The following ACOX3 variants were observed in gnomAD, a reference collection of about 807,000 sequenced individuals.
The protein encoded by ACOX3 is peroxisomal acyl-coenzyme A oxidase 3.
In ACOX3, 73 loss-of-function variants were observed where a neutral mutation model predicts 81.5. The observed-to-expected ratio is 0.90, with a 90% CI of 0.74 to 1.09. The LOEUF (loss-of-function observed/expected upper bound fraction) is 1.09. Among genes scored for constraint, ACOX3 ranks in the 50% least tolerant of loss-of-function variants. ACOX3 has a pLI of 0.00. For synonymous variants in ACOX3, 387 were observed against 375.1 expected, an observed-to-expected ratio of 1.03 and a Z score of -0.37; for missense variants, 947 against 928.0, an observed-to-expected ratio of 1.02 and a Z score of -0.27.
At chr4:8,398,915 CCGTT>C (rs1169993119) in intron 8 of ACOX3, among the ~76,000 whole-genome samples, 1 of 152,204 alleles carries the variant, frequency 6.6e-6, no homozygotes, top group African/African-American at 2.4e-5. Context: ...ATTAACATCT[CCGTT>C]TGTGAGCAGC....
At chr4:8,356,545 C>A in the ACOX3 span, 1 of 456,086 alleles carries the variant, frequency 2.2e-6, no homozygotes, top group Non-Finnish European at 4.4e-6. Flanking sequence ...AGAGTATGAC[C>A]CATTTCTGAA....
intron 1 of ACOX3, among the ~76,000 whole-genome samples, chr4:8,433,046 T>C (rs1419584841): frequency 6.6e-6 from 1 of 152,248 alleles, no homozygotes; most frequent in Non-Finnish European, 1.5e-5. Context: ...TACAGGACAG[T>C]GCTATGTAGA....
In ACOX3 at chr4:8,386,349, G is replaced by A. The variant is rs1367600279; in HGVS notation, c.1537+2824C>T. ...CGGGAGGCCAAGGTGGGCGGATCAC[G>A]AGGTCAGGATATCGAGACCATCCTG... On this transcript the variant is annotated intron_variant, in intron 13 of 17. Coordinates refer to ENST00000356406, the MANE Select transcript of ACOX3 (RefSeq NM_003501.3). This position sits in a 1 kb window ranked among gnomAD's most constrained non-coding sequence, Gnocchi z 5.2. Among the ~76,000 whole-genome samples, 2 of 152,044 alleles carry A rather than the reference G, an allele frequency of 1.3e-5. No homozygotes were observed. Among genetic ancestry groups the A allele is most frequent in the Non-Finnish European group, 1.5e-5 (1 of 68,018 alleles).
intron 16 of ACOX3, 152 bp downstream of exon 16, chr4:8,373,409 G>T: frequency 1.3e-6 from 1 of 761,330 alleles, no homozygotes; most frequent in South Asian, 1.7e-5. Context: ...AAGGGGGTGC[G>T]TGTAGGCTCT....
intron 8 of ACOX3, among the ~76,000 whole-genome samples, chr4:8,398,797 C>T (rs922850155): frequency 1.7e-4 from 26 of 152,222 alleles, no homozygotes; most frequent in African/African-American, 6.0e-4. Context: ...TAATCCTCTC[C>T]TTCTGCCTTC....
downstream of ACOX3, chr4:8,366,147 A>G (rs959120395): frequency 1.3e-5 from 2 of 152,360 alleles, no homozygotes; most frequent in Non-Finnish European, 2.9e-5. Context: ...TGCAGGGAGC[A>G]GGAGTGACCG....
chr4:8,428,141 G>A (rs571952184), intron 1 of ACOX3, among the ~76,000 whole-genome samples: 5 of 152,240 alleles, frequency 3.3e-5, no homozygotes, highest in Non-Finnish European at 5.9e-5. Flanking sequence ...AAAGTCCTCC[G>A]AATGCCCAGC....
At chr4:8,395,481 T>C (rs986633645) in intron 9 of ACOX3, among the ~76,000 whole-genome samples, 2 of 152,208 alleles carry the variant, frequency 1.3e-5, no homozygotes, top group East Asian at 1.9e-4. Flanking sequence ...ATCACCACCA[T>C]GGTCTAACGT....
rs956467192 is a variant in ACOX3, at chr4:8,437,499, G to A, written c.-15+3149C>T. On this transcript the variant is annotated intron_variant, in intron 1 of 17. Transcript: ENST00000356406. The surrounding 1 kb of genome is among the most constrained non-coding windows in gnomAD (Gnocchi z 5.2). ...AGGGCCTGTGCCACTGCCTGGCCCC[G>A]CCAGGTGGCCATAGAAGCAGGAGAA... Among the ~76,000 whole-genome samples, 22 of 152,304 alleles carry A rather than the reference G, an allele frequency of 1.4e-4. No homozygotes were observed. The highest frequency in any genetic ancestry group is 2.2e-4 in the African/African-American group (9 of 41,558).
Position 8,373,623 on chromosome 4 carries a change from ATCC to A in ACOX3, c.1831_1833del (p.Gly611del), listed in dbSNP as rs1560166803. The A allele has an allele frequency of 2.5e-6, 4 of 1,612,034 alleles. No individual in the cohort carries two copies. The highest frequency in any genetic ancestry group is 3.3e-5 in the Admixed American group (2 of 59,864). ...TCTCCCGCCTGCTCACCGGAGAAGT[ATCC>A]TCCTGCAAGCACAGCCTCGGTCACA... On this transcript the variant is annotated inframe_deletion and splice_region_variant, in exon 16 of 18. Transcript: ENST00000356406.
chr4:8,408,517 C>A (rs188366065), intron 6 of ACOX3, among the ~76,000 whole-genome samples: 2 of 152,110 alleles, frequency 1.3e-5, no homozygotes, highest in Admixed American at 6.5e-5. Flanking sequence ...TAAAACACTG[C>A]GGCTCTATGT....
chr4:8,383,473 G>A (rs1351432097), intron 13 of ACOX3, among the ~76,000 whole-genome samples: 1 of 152,212 alleles, frequency 6.6e-6, no homozygotes, highest in African/African-American at 2.4e-5. Flanking sequence ...ACAAGATGCA[G>A]AGACAGCAAA....
chr4:8,382,574 G>A lies in ACOX3; in HGVS notation c.1538-967C>T, dbSNP rs1332072474. Among the ~76,000 whole-genome samples, 1 of 152,214 alleles carries A rather than the reference G, an allele frequency of 6.6e-6. No individual in the cohort carries two copies. Among genetic ancestry groups the A allele is most frequent in the African/African-American group, 2.4e-5 (1 of 41,466 alleles). ...TGCAGGGGCCTTCTGCCTGGCAGCC[G>A]GTCTTGCTCAGAGATCCCAGGCAGG... On this transcript the variant is annotated intron_variant, in intron 13 of 17. Transcript: ENST00000356406. The surrounding 1 kb of genome is among the most constrained non-coding windows in gnomAD (Gnocchi z 4.1).
At chr4:8,439,536 T>C (rs1461857490) in intron 1 of ACOX3, among the ~76,000 whole-genome samples, 2 of 152,234 alleles carry the variant, frequency 1.3e-5, no homozygotes, top group Non-Finnish European at 2.9e-5. Flanking sequence ...AGTTCAAGCA[T>C]TTGGCTCTTA....
chr4:8,376,661 G>A (rs1240509324), intron 14 of ACOX3, among the ~76,000 whole-genome samples: 2 of 152,166 alleles, frequency 1.3e-5, no homozygotes, highest in Non-Finnish European at 2.9e-5. Context: ...TGGGTGGGCC[G>A]TCCTGTCGGT....
At position 8,386,757 on chromosome 4, in the gene ACOX3, C is replaced by G. The variant is rs989201658; in HGVS notation, c.1537+2416G>C. On this transcript the variant is annotated intron_variant, in intron 13 of 17. Transcript: ENST00000356406. The surrounding 1 kb of genome is among the most constrained non-coding windows in gnomAD (Gnocchi z 5.2). ...AGACGCTTCCTGATGACGATGCTGACGGTGCGGGCAGGGGAAGGCGCTGGG... is the reference window on the plus strand; with the variant it reads ...AGACGCTTCCTGATGACGATGCTGAGGGTGCGGGCAGGGGAAGGCGCTGGG... Among the ~76,000 whole-genome samples the G allele has an allele frequency of 5.9e-5, 9 of 152,126 alleles. No individual in the cohort carries two copies. Among genetic ancestry groups the G allele is most frequent in the Non-Finnish European group, 1.3e-4 (9 of 68,016 alleles).
chr4:8,387,740 C>T (rs780501008), intron 13 of ACOX3, among the ~76,000 whole-genome samples: 26 of 152,276 alleles, frequency 1.7e-4, no homozygotes, highest in Admixed American at 9.2e-4. Flanking sequence ...GGAGCAGTAA[C>T]GAGAGATCCC....
intron 13 of ACOX3, among the ~76,000 whole-genome samples, chr4:8,388,591 C>T (rs995185127): frequency 2.4e-4 from 37 of 152,274 alleles, no homozygotes; most frequent in African/African-American, 8.7e-4. Context: ...CCTGCAGCAG[C>T]TCCCATGACA....
In ACOX3 at chr4:8,385,300, C is replaced by T. The variant is rs1196791470; in HGVS notation, c.1538-3693G>A. On this transcript the variant is annotated intron_variant, in intron 13 of 17. Coordinates refer to ENST00000356406, the MANE Select transcript of ACOX3 (RefSeq NM_003501.3). The surrounding 1 kb of genome is among the most constrained non-coding windows in gnomAD (Gnocchi z 5.5). The stretch of plus-strand genomic sequence containing the variant: ...TCCACGTGACCTCACCGCTCCCCCA[C>T]GTGACTCCACCGCTCACCTGTGACC... Among the ~76,000 whole-genome samples, 3 of 151,678 alleles carry T rather than the reference C, an allele frequency of 2.0e-5. No individual in the cohort carries two copies. The highest frequency in any genetic ancestry group is 6.6e-5 in the Admixed American group (1 of 15,224).
Sources: allele counts gnomAD v4.1 joint callset (sites outside exome capture counted in the v4.1 genomes callset), GRCh38; gene constraint gnomAD v4.1.1; non-coding constraint Gnocchi (gnomAD v3.1); transcripts MANE v1.5; gene names NCBI Gene and HGNC (gene_info 2026-07-23, HGNC 2026-07-21).